The following GUCY1A2 variants were observed in gnomAD, a reference collection of about 807,000 sequenced individuals.
GUCY1A2 encodes the protein guanylate cyclase 1 soluble subunit alpha 2, also known as guanylate cyclase soluble subunit alpha-2.
GUCY1A2 carries 27 observed loss-of-function variants against 63.5 expected under a neutral mutation model. That is an observed-to-expected ratio of 0.43 (90% CI 0.31 to 0.59). The LOEUF is 0.59. Ranked by LOEUF, GUCY1A2 falls within the 20% of genes least tolerant of loss-of-function variation. The probability of loss-of-function intolerance (pLI) is 0.11; values close to 1 mark genes in which losing one functional copy is unlikely to be tolerated. For synonymous variants in GUCY1A2, 364 were observed against 343.5 expected, an observed-to-expected ratio of 1.06 and a Z score of -0.66; for missense variants, 768 against 913.3, an observed-to-expected ratio of 0.84 and a Z score of 2.05.
Position 106,681,126 on chromosome 11 carries a change from T to C in GUCY1A2, c.*6423A>G, listed in dbSNP as rs1862425400. 4.7e-6 allele frequency: 1 copy of C among 212,090 alleles called. No homozygotes were observed. Among genetic ancestry groups the C allele is most frequent in the Non-Finnish European group, 9.6e-6 (1 of 104,532 alleles). The allele number at this position is 212,090 out of a possible 1,614,324, so 13.1% of individuals were successfully genotyped here. Reference sequence around the variant, plus strand: ...CGAAATCTGAAAGCTTTAGTGTTTTTTCAGTATTACTGAATAATCATTTTC... The same window carrying C: ...CGAAATCTGAAAGCTTTAGTGTTTTCTCAGTATTACTGAATAATCATTTTC... On this transcript the variant is annotated 3_prime_UTR_variant, in exon 8 of 8. Transcript: ENST00000526355.
At chr11:106,698,208 C>T (rs551494418) in intron 7 of GUCY1A2, among the ~76,000 whole-genome samples, 14 of 144,802 alleles carry the variant, frequency 9.7e-5, no homozygotes, top group African/African-American at 3.2e-4. Flanking sequence ...CAGCCTCCAT[C>T]TCCTAGGCTT....
chr11:106,947,512 AAAAAT>A (rs1860846760), intron 3 of GUCY1A2, among the ~76,000 whole-genome samples: 2 of 152,038 alleles, frequency 1.3e-5, no homozygotes, highest in African/African-American at 2.4e-5. Context: ...GCAAAGTCAG[AAAAAT>A]AAAATAGCAA....
At chr11:106,998,929 T>C (rs1861577268) in intron 1 of GUCY1A2, among the ~76,000 whole-genome samples, 1 of 152,172 alleles carries the variant, frequency 6.6e-6, no homozygotes. Flanking sequence ...CGTTAAATAA[T>C]TTACCGTCGC....
intron 4 of GUCY1A2, among the ~76,000 whole-genome samples, chr11:106,817,780 T>C (rs1017251892): frequency 6.6e-6 from 1 of 151,802 alleles, no homozygotes; most frequent in Non-Finnish European, 1.5e-5. Context: ...TAAATACAAA[T>C]TAAAACTACA....
intron 4 of GUCY1A2, among the ~76,000 whole-genome samples, chr11:106,819,966 T>C (rs894556822): frequency 1.3e-5 from 2 of 152,132 alleles, no homozygotes; most frequent in African/African-American, 4.8e-5. Flanking sequence ...ATTAAAATGG[T>C]GGTTACCAGA....
At chr11:107,014,261 G>A (rs973454943) in intron 1 of GUCY1A2, among the ~76,000 whole-genome samples, 2 of 151,738 alleles carry the variant, frequency 1.3e-5, no homozygotes, top group African/African-American at 4.8e-5. Flanking sequence ...GCTAATTTTT[G>A]TATTTTTAGT....
At chr11:106,740,376 G>A (rs1863672722) in intron 6 of GUCY1A2, among the ~76,000 whole-genome samples, 1 of 152,082 alleles carries the variant, frequency 6.6e-6, no homozygotes. Context: ...AAACTGGTAA[G>A]AAGCTTAAAA....
At chr11:106,833,631 T>C (rs2135438422) in intron 4 of GUCY1A2, among the ~76,000 whole-genome samples, 1 of 152,258 alleles carries the variant, frequency 6.6e-6, no homozygotes, top group East Asian at 1.9e-4. Context: ...TGTTCCTTGC[T>C]ATGTTTTCTA....
intron 3 of GUCY1A2, among the ~76,000 whole-genome samples, chr11:106,972,024 A>G (rs2120098297): frequency 6.6e-6 from 1 of 152,286 alleles, no homozygotes; most frequent in Admixed American, 6.5e-5. Context: ...GCAAACAGGA[A>G]ACAAACAAAA....
intron 4 of GUCY1A2, chr11:106,827,675 C>A: frequency 6.4e-7 from 1 of 1,550,542 alleles, no homozygotes; most frequent in South Asian, 1.1e-5. Flanking sequence ...GTTTTTCTAA[C>A]ATGGTACTTG....
chr11:106,851,017 T>C (rs1859346410), intron 4 of GUCY1A2, among the ~76,000 whole-genome samples: 1 of 152,018 alleles, frequency 6.6e-6, no homozygotes, highest in African/African-American at 2.4e-5. Flanking sequence ...TTTTTTGTCT[T>C]TTTGATAATA....
chr11:106,812,567 C>A (rs1858776748), intron 4 of GUCY1A2, among the ~76,000 whole-genome samples: 1 of 151,718 alleles, frequency 6.6e-6, no homozygotes, highest in Admixed American at 6.6e-5. Context: ...TTCTCTTTTG[C>A]CTTTATCATC....
intron 6 of GUCY1A2, among the ~76,000 whole-genome samples, chr11:106,721,106 T>C (rs1398313139): frequency 6.7e-6 from 1 of 149,478 alleles, no homozygotes; most frequent in Admixed American, 6.7e-5. Flanking sequence ...TCACCCAGGC[T>C]GGAGTGCAGT....
chr11:106,944,190 G>T (rs1331372725), intron 3 of GUCY1A2, among the ~76,000 whole-genome samples: 1 of 82,158 alleles, frequency 1.2e-5, no homozygotes, highest in Non-Finnish European at 2.5e-5. Context: ...ACTCCAGCCT[G>T]GGCAACAGAG....
Position 106,904,307 on chromosome 11 carries a change from A to G in GUCY1A2, c.1206+35153T>C, listed in dbSNP as rs151025859. ...TAACATACTGAAAGTGTTTATCATA[A>G]GAAGTTTTCACTGTTTTCCTTACAT... On this transcript the variant is annotated intron_variant, in intron 4 of 7. Transcript: ENST00000526355. Among the ~76,000 whole-genome samples the G allele has an allele frequency of 5.9e-5, 9 of 152,276 alleles. No homozygotes were observed. In the East Asian group the frequency reaches 1.4e-3, roughly 23 times the overall value.
intron 4 of GUCY1A2, among the ~76,000 whole-genome samples, chr11:106,921,148 CAG>C (rs1188906600): frequency 3.3e-5 from 5 of 152,116 alleles, no homozygotes; most frequent in African/African-American, 1.2e-4. Context: ...AAGCCAAAAA[CAG>C]GGCATGGAAG....
intron 1 of GUCY1A2, among the ~76,000 whole-genome samples, chr11:107,012,268 T>TG: frequency 6.6e-6 from 1 of 151,586 alleles, no homozygotes; most frequent in Middle Eastern, 3.4e-3. Context: ...TACTTTTTTT[T>TG]TTTTTTTCGT....
At chr11:106,815,221 T>C (rs989381632) in intron 4 of GUCY1A2, among the ~76,000 whole-genome samples, 2 of 151,990 alleles carry the variant, frequency 1.3e-5, no homozygotes, top group African/African-American at 4.8e-5. Flanking sequence ...GACAGCTTAA[T>C]AGAATTTACT....
intron 4 of GUCY1A2, among the ~76,000 whole-genome samples, chr11:106,930,860 G>A (rs1860591663): frequency 2.0e-5 from 3 of 152,226 alleles, no homozygotes; most frequent in Non-Finnish European, 4.4e-5. Context: ...CGGATCACGA[G>A]GTCAAGAGTT....
Sources: gnomAD v4.1 joint callset for allele counts (sites outside exome capture counted in the v4.1 genomes callset) on GRCh38, gnomAD v4.1.1 for gene constraint, MANE v1.5 for transcripts, NCBI Gene and HGNC (gene_info 2026-07-23, HGNC 2026-07-21) for gene names.